Variants in DYNC1I1 observed in about 807,000 individuals in gnomAD.
DYNC1I1 encodes cytoplasmic dynein 1 intermediate chain 1.
In DYNC1I1, 43 loss-of-function variants were observed where a neutral mutation model predicts 86.6. The observed-to-expected ratio is 0.50, with a 90% CI of 0.39 to 0.64. The LOEUF (loss-of-function observed/expected upper bound fraction) is 0.64, where lower values mean the gene tolerates loss of function less well. Ranked by LOEUF, DYNC1I1 falls within the 30% of genes least tolerant of loss-of-function variation. DYNC1I1 has a pLI of 0.00. For missense variants in DYNC1I1, 604 were observed against 788.8 expected (o/e 0.77, Z 2.81); for synonymous variants, 262 against 283.7 (o/e 0.92, Z 0.77).
intron 16 of DYNC1I1, among the ~76,000 whole-genome samples, chr7:96,090,692 A>G (rs1243315574): frequency 6.6e-6 from 1 of 152,188 alleles, no homozygotes; most frequent in South Asian, 2.1e-4. Context: ...TGACCACCAT[A>G]GGTAAGAATG....
rs1408406770 is a variant in DYNC1I1 at position 95,965,867 on chromosome 7, G to T, written c.491-11645G>T. On this transcript the variant is annotated intron_variant, in intron 6 of 16. Coordinates refer to ENST00000447467, the MANE Select transcript of DYNC1I1 (RefSeq NM_001135556.2). ...CTTTTATAAATAAAAATTGGCCCTA[G>T]GCACTAGGGTCATGCTAGCTTCAGC... 2.6e-5 allele frequency among the ~76,000 whole-genome samples: 4 copies of T among 152,138 alleles called. No homozygotes were observed. The East Asian group carries it at 5.8e-4, about 22-fold the overall frequency.
At chr7:95,783,271 A>C (rs987679845) in intron 1 of DYNC1I1, among the ~76,000 whole-genome samples, 2 of 152,184 alleles carry the variant, frequency 1.3e-5, no homozygotes, top group African/African-American at 4.8e-5. Context: ...TGAGCTTACA[A>C]ATATAAATTT....
intron 1 of DYNC1I1, among the ~76,000 whole-genome samples, chr7:95,799,629 T>C (rs1584234397): frequency 6.6e-6 from 1 of 151,952 alleles, no homozygotes; most frequent in East Asian, 1.9e-4. Flanking sequence ...CTACACTTAA[T>C]TTTTTAAAAA....
At chr7:96,073,258 TAAG>T (rs1790221470) in intron 14 of DYNC1I1, among the ~76,000 whole-genome samples, 1 of 152,146 alleles carries the variant, frequency 6.6e-6, no homozygotes, top group African/African-American at 2.4e-5. Flanking sequence ...TGAAGGGTGA[TAAG>T]GAGGTTGGAG....
intron 10 of DYNC1I1, among the ~76,000 whole-genome samples, chr7:96,018,847 A>G (rs1021809035): frequency 2.0e-5 from 3 of 152,208 alleles, no homozygotes; most frequent in Non-Finnish European, 4.4e-5. Context: ...CCAGACCTAC[A>G]TTGATGCGGA....
chr7:95,788,974 T>C (rs1794219410), intron 1 of DYNC1I1, among the ~76,000 whole-genome samples: 1 of 152,220 alleles, frequency 6.6e-6, no homozygotes, highest in Admixed American at 6.5e-5. Context: ...TCTTCCAGAA[T>C]TGGTTTTCTT....
chr7:95,918,484 A>G (rs190990529), intron 6 of DYNC1I1, among the ~76,000 whole-genome samples: 1 of 152,292 alleles, frequency 6.6e-6, no homozygotes, highest in Admixed American at 6.5e-5. Flanking sequence ...CTTCTTGTTC[A>G]TGAGGGAAAT....
intron 1 of DYNC1I1, among the ~76,000 whole-genome samples, chr7:95,782,183 GA>G (rs1171469254): frequency 6.6e-6 from 1 of 152,158 alleles, no homozygotes; most frequent in Non-Finnish European, 1.5e-5. Context: ...CATGTTTCAT[GA>G]GCCAAAAGCA....
At chr7:95,952,086 C>T (rs561344002) in intron 6 of DYNC1I1, among the ~76,000 whole-genome samples, 1 of 152,154 alleles carries the variant, frequency 6.6e-6, no homozygotes, top group Non-Finnish European at 1.5e-5. Flanking sequence ...ATGAGTCTTA[C>T]ATAGAGAATA....
chr7:95,963,522 G>A (rs926956784), intron 6 of DYNC1I1, among the ~76,000 whole-genome samples: 3 of 152,118 alleles, frequency 2.0e-5, no homozygotes, highest in Admixed American at 6.6e-5. Context: ...ACTGAGAACA[G>A]GCAAAAAATT....
intron 14 of DYNC1I1, among the ~76,000 whole-genome samples, chr7:96,046,799 C>T (rs946896590): frequency 9.2e-5 from 14 of 152,140 alleles, no homozygotes; most frequent in Non-Finnish European, 8.8e-5. Flanking sequence ...TCGTTAGCAT[C>T]TGAGTGAAGA....
intron 1 of DYNC1I1, among the ~76,000 whole-genome samples, chr7:95,790,210 G>C (rs1794258039): frequency 6.6e-6 from 1 of 152,158 alleles, no homozygotes; most frequent in African/African-American, 2.4e-5. Context: ...CCTGGTTCTA[G>C]CACTGTACAT....
intron 4 of DYNC1I1, chr7:95,818,562 C>T: frequency 3.0e-6 from 2 of 664,156 alleles, no homozygotes; most frequent in Admixed American, 2.1e-5. Flanking sequence ...GATTCTCCTC[C>T]CTCTTCATCC....
At chr7:95,778,674 T>C (rs1793908285) in intron 1 of DYNC1I1, among the ~76,000 whole-genome samples, 1 of 152,102 alleles carries the variant, frequency 6.6e-6, no homozygotes, top group African/African-American at 2.4e-5. Context: ...TTTATTTATT[T>C]ATTTACAAAC....
At chr7:95,904,695 A>G (rs1791129947) in intron 6 of DYNC1I1, among the ~76,000 whole-genome samples, 2 of 152,200 alleles carry the variant, frequency 1.3e-5, no homozygotes, top group Admixed American at 1.3e-4. Flanking sequence ...AGACATCCCA[A>G]TAATAAGCTT....
At chr7:96,031,132 G>A (rs1041278017) in intron 11 of DYNC1I1, among the ~76,000 whole-genome samples, 1 of 152,164 alleles carries the variant, frequency 6.6e-6, no homozygotes, top group Non-Finnish European at 1.5e-5. Context: ...CATGAGAAGT[G>A]ATAATTCAAT....
chr7:95,780,092 T>G (rs762307525), intron 1 of DYNC1I1, among the ~76,000 whole-genome samples: 53 of 152,328 alleles, frequency 3.5e-4, no homozygotes, highest in South Asian at 1.2e-3. Context: ...ATTGGCTTCT[T>G]TCTGGTAGAA....
At chr7:95,810,361 A>T (rs191170660) in intron 2 of DYNC1I1, 31 bp from the exon 3 acceptor site, 1 of 1,555,374 alleles carries the variant, frequency 6.4e-7, no homozygotes, top group Admixed American at 1.9e-5. Flanking sequence ...TAGTTATGTT[A>T]TTAACTTTTC....
chr7:96,057,414 T>C (rs182283532), intron 14 of DYNC1I1, among the ~76,000 whole-genome samples: 11 of 152,306 alleles, frequency 7.2e-5, no homozygotes, highest in Non-Finnish European at 8.8e-5. Context: ...TCCCATCTTA[T>C]GTTAATTGTA....
Sources: gnomAD v4.1 joint callset for allele counts (sites outside exome capture counted in the v4.1 genomes callset) on GRCh38, gnomAD v4.1.1 for gene constraint, MANE v1.5 for transcripts, NCBI Gene and HGNC (gene_info 2026-07-23, HGNC 2026-07-21) for gene names.